The following ZFHX3 variants were observed in gnomAD, a reference collection of about 807,000 sequenced individuals.
The protein encoded by ZFHX3 is zinc finger homeobox 3.
A neutral mutation model predicts 279.1 loss-of-function variants in ZFHX3; 42 were observed. That is an observed-to-expected ratio of 0.15 (90% CI 0.12 to 0.19). ZFHX3 has a LOEUF of 0.19. Ranked by LOEUF, ZFHX3 falls within the 10% of genes least tolerant of loss-of-function variation. The probability of loss-of-function intolerance (pLI) is 1.00; values close to 1 mark genes in which losing one functional copy is unlikely to be tolerated. For missense variants in ZFHX3, 4,981 were observed against 4,754.0 expected, an observed-to-expected ratio of 1.05 and a Z score of -1.40; for synonymous variants, 2,293 against 1,957.8, an observed-to-expected ratio of 1.17 and a Z score of -4.52.
Position 73,732,806 on chromosome 16 carries a change from A to G in ZFHX3, c.-1607-52566T>C, listed in dbSNP as rs545862567. Among the ~76,000 whole-genome samples, 6 of 152,304 alleles carry G rather than the reference A, an allele frequency of 3.9e-5. No homozygotes were observed. In the South Asian group the frequency reaches 6.2e-4, roughly 16 times the overall value. ...TATGCATTTCGGAAAAGCTAGCTCC[A>G]GTGGTCTATGGTGGTGGTGAGAGAA... On this transcript the variant is annotated intron_variant, in intron 1 of 17. Transcript: ENST00000641206.
Position 73,450,340 on chromosome 16 carries a change from C to T in ZFHX3, c.-1291+5663G>A, listed in dbSNP as rs534609579. 9.9e-5 allele frequency among the ~76,000 whole-genome samples: 15 copies of T among 152,214 alleles called. No individual in the cohort carries two copies. In the South Asian group the frequency reaches 3.1e-3, roughly 32 times the overall value. On this transcript the variant is annotated intron_variant, in intron 3 of 17. Coordinates refer to the ZFHX3 transcript ENST00000641206. ...TTCACGTATTCATGGTAAACAAATG[C>T]TTAGACATTCAACAGATTTGAAAGA...
chr16:72,788,292 C>T lies in ZFHX3; in HGVS notation c.9984G>A (p.Gln3328=), dbSNP rs758435735. 8 of 1,614,194 alleles carry T rather than the reference C, an allele frequency of 5.0e-6. No individual in the cohort carries two copies. The highest frequency in any genetic ancestry group is 2.2e-5 in the East Asian group (1 of 44,870). The change falls in exon 10 of 10, where the codon CAG becomes CAA. Residue 3328 remains glutamine, a synonymous_variant. Coordinates refer to ENST00000268489, the MANE Select transcript of ZFHX3 (RefSeq NM_006885.4). ...CATACATAGGCTGCAGGTACCCGCT[C>T]TGCAGGGCGCCAGGGATCTGGGGAG... ...YYAPQIPGAL[Q]SGYLQPMYGM...
At position 73,846,993 on chromosome 16, in the gene ZFHX3, A is replaced by G. The variant is rs566750355; in HGVS notation, c.-1608+44658T>C. Among the ~76,000 whole-genome samples, 12 of 152,124 alleles carry G rather than the reference A, an allele frequency of 7.9e-5. No homozygotes were observed. The East Asian group carries it at 2.3e-3, about 30-fold the overall frequency. ...CAGTGATTCCCCTTAGTGCTCAAAG[A>G]TTGCAGGGCTTTAAAAGCCCTTAAG... On this transcript the variant is annotated intron_variant, in intron 1 of 17. Coordinates refer to the ZFHX3 transcript ENST00000641206.
intron 7 of ZFHX3, among the ~76,000 whole-genome samples, chr16:73,109,059 C>A (rs1428575886): frequency 6.6e-6 from 1 of 152,222 alleles, no homozygotes; most frequent in Non-Finnish European, 1.5e-5. Context: ...TCAGAGGGGA[C>A]CCTCCACAGC....
intron 1 of ZFHX3, among the ~76,000 whole-genome samples, chr16:73,759,239 T>C (rs964542372): frequency 6.6e-6 from 1 of 152,210 alleles, no homozygotes; most frequent in Non-Finnish European, 1.5e-5. Flanking sequence ...TGCTTTGCCG[T>C]CTTTAACACG....
chr16:73,456,621 C>G (rs1162805428), intron 2 of ZFHX3, among the ~76,000 whole-genome samples: 1 of 152,234 alleles, frequency 6.6e-6, no homozygotes, highest in Admixed American at 6.5e-5. Flanking sequence ...TACTCAGAAT[C>G]ACAAGCTTCT....
At chr16:73,452,542 A>G (rs2018295371) in intron 3 of ZFHX3, among the ~76,000 whole-genome samples, 1 of 152,188 alleles carries the variant, frequency 6.6e-6, no homozygotes, top group Non-Finnish European at 1.5e-5. Context: ...TGAAGAGGTA[A>G]TGGTTTAGTT....
chr16:72,897,424 G>C (rs909913258), intron 3 of ZFHX3, among the ~76,000 whole-genome samples: 41 of 149,118 alleles, frequency 2.7e-4, no homozygotes, highest in African/African-American at 9.7e-4. Flanking sequence ...TGTGGGTGCG[G>C]CATCTACACA....
At chr16:73,580,556 G>C (rs1214442352) in intron 2 of ZFHX3, among the ~76,000 whole-genome samples, 2 of 150,586 alleles carry the variant, frequency 1.3e-5, no homozygotes. Flanking sequence ...GGACTATCTA[G>C]TTACTTAGAA....
chr16:73,849,779 C>A lies in ZFHX3; in HGVS notation c.-1608+41872G>T, dbSNP rs76305443. Among the ~76,000 whole-genome samples the A allele has an allele frequency of 8.2e-3, 1,243 of 152,362 alleles. 18 individuals carry two copies. Among genetic ancestry groups the A allele is most frequent in the African/African-American group, 0.028 (1,171 of 41,576 alleles). On this transcript the variant is annotated intron_variant, in intron 1 of 17. Transcript: ENST00000641206. ...ACGGACTCTCGCTCTGTCGCCCAGG[C>A]TAGAGTACGATGGCGTGATCTCAGC...
chr16:73,181,095 GT>G (rs57727276), intron 5 of ZFHX3, among the ~76,000 whole-genome samples: 8,272 of 117,210 alleles, frequency 0.071, 480 homozygotes, highest in African/African-American at 0.17. Context: ...GTTTTGTTTT[GT>G]TTTGTTTTGT....
intron 3 of ZFHX3, among the ~76,000 whole-genome samples, chr16:73,336,134 G>A (rs1343617143): frequency 6.6e-6 from 1 of 152,194 alleles, no homozygotes; most frequent in Non-Finnish European, 1.5e-5. Flanking sequence ...TGCAGGCAGT[G>A]GAAGGTGGTG....
intron 3 of ZFHX3, among the ~76,000 whole-genome samples, chr16:73,412,365 T>C (rs1040641608): frequency 6.6e-6 from 1 of 150,646 alleles, no homozygotes; most frequent in African/African-American, 2.5e-5. Context: ...TGTCAGAGAA[T>C]GTGTTTGTCT....
At chr16:73,165,588 T>G (rs1304382710) in intron 5 of ZFHX3, among the ~76,000 whole-genome samples, 1 of 152,152 alleles carries the variant, frequency 6.6e-6, no homozygotes, top group Non-Finnish European at 1.5e-5. Flanking sequence ...TTTGTCAGCG[T>G]GGCCTGAGTC....
chr16:73,685,054 C>T (rs1334594692), intron 1 of ZFHX3, among the ~76,000 whole-genome samples: 4 of 145,880 alleles, frequency 2.7e-5, no homozygotes, highest in African/African-American at 7.6e-5. Context: ...CTCACTCTGT[C>T]GCCAGGCTGG....
In ZFHX3 at chr16:73,765,392, T is replaced by A. The variant is rs1008349045; in HGVS notation, c.-1607-85152A>T. On this transcript the variant is annotated intron_variant, in intron 1 of 17. Transcript: ENST00000641206. ...GGGGAAATATGAACTTTGTGAAGCA[T>A]GCAGTAAATCTGATCTTATACACTG... is the stretch of plus-strand genomic sequence containing the variant. Among the ~76,000 whole-genome samples the A allele has an allele frequency of 2.0e-5, 3 of 152,252 alleles. No individual in the cohort carries two copies. In the South Asian group the frequency reaches 6.2e-4, roughly 31 times the overall value.
chr16:73,141,910 T>C (rs539982361), intron 6 of ZFHX3, among the ~76,000 whole-genome samples: 12 of 152,204 alleles, frequency 7.9e-5, no homozygotes, highest in African/African-American at 2.9e-4. Flanking sequence ...AGCAGGGTGG[T>C]TTAGGACCTG....
intron 4 of ZFHX3, among the ~76,000 whole-genome samples, chr16:73,298,832 G>A (rs896427162): frequency 1.3e-5 from 2 of 152,200 alleles, no homozygotes; most frequent in Middle Eastern, 3.2e-3. Context: ...TTTCGTTACT[G>A]ATAGTGATGC....
At chr16:72,965,565 T>C (rs1214783092) in intron 1 of ZFHX3, among the ~76,000 whole-genome samples, 1 of 152,228 alleles carries the variant, frequency 6.6e-6, no homozygotes, top group Non-Finnish European at 1.5e-5. Context: ...ATGTACTATG[T>C]GTCAGTCAGA....
Sources: gnomAD v4.1 joint callset for allele counts (sites outside exome capture counted in the v4.1 genomes callset) on GRCh38, gnomAD v4.1.1 for gene constraint, MANE v1.5 for transcripts, NCBI Gene and HGNC (gene_info 2026-07-23, HGNC 2026-07-21) for gene names.